The following FHIT variants were observed in gnomAD, a reference collection of about 807,000 sequenced individuals.
FHIT encodes the protein bis(5'-adenosyl)-triphosphatase.
FHIT carries 19 observed loss-of-function variants against 17.9 expected under a neutral mutation model. The ratio of observed to expected loss-of-function variants is 1.06; its 90% CI spans 0.74 to 1.56. The LOEUF (loss-of-function observed/expected upper bound fraction) is 1.56, where lower values mean the gene tolerates loss of function less well. FHIT is among the 40% of genes most tolerant of loss of function. The pLI, the probability that FHIT is intolerant of heterozygous loss-of-function variation, is 0.00. For missense variants in FHIT, 248 were observed against 189.2 expected (o/e 1.31, Z -1.82); for synonymous variants, 81 against 69.7 (o/e 1.16, Z -0.81).
At chr3:61,021,081 C>T (rs867240618) in intron 3 of FHIT, among the ~76,000 whole-genome samples, 1 of 152,092 alleles carries the variant, frequency 6.6e-6, no homozygotes, top group Non-Finnish European at 1.5e-5. Flanking sequence ...CAGAATAATA[C>T]TGGGAGACTT....
chr3:59,972,910 G>A (rs1708252425), intron 7 of FHIT, among the ~76,000 whole-genome samples: 1 of 151,994 alleles, frequency 6.6e-6, no homozygotes, highest in Non-Finnish European at 1.5e-5. Context: ...TTCAGTCACA[G>A]GCTCCCTCAC....
chr3:60,850,413 C>T (rs1553747941), intron 3 of FHIT, among the ~76,000 whole-genome samples: 1 of 150,784 alleles, frequency 6.6e-6, no homozygotes, highest in Non-Finnish European at 1.5e-5. Flanking sequence ...CTAATGTTAT[C>T]TCTTCAGAGA....
At chr3:61,219,166 G>T (rs544871166) in intron 1 of FHIT, among the ~76,000 whole-genome samples, 3 of 152,002 alleles carry the variant, frequency 2.0e-5, no homozygotes, top group Non-Finnish European at 2.9e-5. Flanking sequence ...CATATAAAAG[G>T]TATGGTAAAA....
chr3:60,313,825 A>C (rs1305691442), intron 5 of FHIT, among the ~76,000 whole-genome samples: 3 of 152,218 alleles, frequency 2.0e-5, no homozygotes, highest in South Asian at 2.1e-4. Context: ...TTACTGGCAC[A>C]AAATTGAGAG....
chr3:60,983,128 T>G (rs1007648540), intron 3 of FHIT, among the ~76,000 whole-genome samples: 6 of 125,296 alleles, frequency 4.8e-5, no homozygotes, highest in Non-Finnish European at 8.5e-5. Flanking sequence ...CCGATTTACC[T>G]TCTCTCTTGT....
At chr3:60,225,424 G>A (rs1468882654) in intron 5 of FHIT, among the ~76,000 whole-genome samples, 2 of 152,178 alleles carry the variant, frequency 1.3e-5, no homozygotes, top group Non-Finnish European at 2.9e-5. Context: ...ATCTGTACCT[G>A]GAGAACAGGA....
At chr3:61,093,453 G>A (rs779174063) in intron 2 of FHIT, among the ~76,000 whole-genome samples, 1 of 152,084 alleles carries the variant, frequency 6.6e-6, no homozygotes, top group Non-Finnish European at 1.5e-5. Flanking sequence ...CAATACAGAT[G>A]ACAAGCCCCC....
At chr3:60,902,798 A>G (rs1160477185) in intron 3 of FHIT, among the ~76,000 whole-genome samples, 1 of 152,174 alleles carries the variant, frequency 6.6e-6, no homozygotes, top group African/African-American at 2.4e-5. Flanking sequence ...TGTCAGTTAC[A>G]TGAACCTATA....
chr3:60,264,767 T>C (rs934037625), intron 5 of FHIT, among the ~76,000 whole-genome samples: 1 of 151,980 alleles, frequency 6.6e-6, no homozygotes, highest in African/African-American at 2.4e-5. Context: ...ATCAAAACCA[T>C]GTACTCATTA....
At chr3:60,760,951 G>C (rs1285545469) in intron 4 of FHIT, among the ~76,000 whole-genome samples, 1 of 152,014 alleles carries the variant, frequency 6.6e-6, no homozygotes, top group African/African-American at 2.4e-5. Flanking sequence ...CTTTATTTTA[G>C]ACTCTTTCTC....
intron 5 of FHIT, among the ~76,000 whole-genome samples, chr3:60,097,010 A>ATC (rs1390318718): frequency 7.9e-6 from 1 of 126,146 alleles, no homozygotes; most frequent in Non-Finnish European, 1.6e-5. Context: ...GTGAGACCCT[A>ATC]TCTCTGTTAT....
At chr3:60,183,015 A>G (rs1227591402) in intron 5 of FHIT, among the ~76,000 whole-genome samples, 1 of 152,156 alleles carries the variant, frequency 6.6e-6, no homozygotes, top group Non-Finnish European at 1.5e-5. Context: ...TCCTGAAAGA[A>G]TAAAAAGGAT....
At chr3:60,705,991 C>T (rs190936793) in intron 4 of FHIT, among the ~76,000 whole-genome samples, 46 of 152,272 alleles carry the variant, frequency 3.0e-4, no homozygotes, top group Admixed American at 1.3e-3. Flanking sequence ...ATTGTCATGG[C>T]ATCTTTTATT....
At chr3:60,733,864 T>A (rs2042081969) in intron 4 of FHIT, among the ~76,000 whole-genome samples, 1 of 152,198 alleles carries the variant, frequency 6.6e-6, no homozygotes, top group South Asian at 2.1e-4. Context: ...TATTTTGTAT[T>A]CCTAGTCTTG....
chr3:59,801,218 C>T (rs1374438267), intron 8 of FHIT, among the ~76,000 whole-genome samples: 1 of 152,108 alleles, frequency 6.6e-6, no homozygotes, highest in Non-Finnish European at 1.5e-5. Flanking sequence ...ATCCCATAAC[C>T]CTATAGGAAG....
chr3:60,972,032 T>C (rs1710042166), intron 3 of FHIT, among the ~76,000 whole-genome samples: 1 of 152,234 alleles, frequency 6.6e-6, no homozygotes, highest in Non-Finnish European at 1.5e-5. Context: ...ATAAAATATT[T>C]GATGAATTTG....
chr3:60,509,877 TTCAATGAATACA>T (rs1277038435), intron 5 of FHIT, among the ~76,000 whole-genome samples: 1 of 152,190 alleles, frequency 6.6e-6, no homozygotes, highest in Non-Finnish European at 1.5e-5. Flanking sequence ...GTTTTTTTGT[TTCAATGAATACA>T]TCACGTACCT....
At chr3:60,064,801 ACTCT>A (rs1282156197) in intron 5 of FHIT, among the ~76,000 whole-genome samples, 2 of 152,116 alleles carry the variant, frequency 1.3e-5, no homozygotes, top group African/African-American at 4.8e-5. Context: ...ACAGTTATCA[ACTCT>A]CTAATACACT....
At chr3:60,001,961 T>C (rs1168550324) in intron 7 of FHIT, among the ~76,000 whole-genome samples, 1 of 152,138 alleles carries the variant, frequency 6.6e-6, no homozygotes, top group African/African-American at 2.4e-5. Flanking sequence ...AGAAAATATT[T>C]TGTGGGGGAA....
Sources: gnomAD v4.1 joint callset for allele counts (sites outside exome capture counted in the v4.1 genomes callset) on GRCh38, gnomAD v4.1.1 for gene constraint, MANE v1.5 for transcripts, NCBI Gene and HGNC (gene_info 2026-07-23, HGNC 2026-07-21) for gene names.